Variants in NOS1AP observed in about 807,000 individuals in gnomAD.
NOS1AP encodes nitric oxide synthase 1 adaptor protein, also known as carboxyl-terminal PDZ ligand of neuronal nitric oxide synthase protein.
A neutral mutation model predicts 56.2 loss-of-function variants in NOS1AP; 21 were observed. That is an observed-to-expected ratio of 0.37 (90% CI 0.26 to 0.54). The LOEUF is 0.54. Among genes scored for constraint, NOS1AP ranks in the 20% least tolerant of loss-of-function variants. The pLI is 0.84. For synonymous variants in NOS1AP, 270 were observed against 274.6 expected (o/e 0.98, Z 0.17); for missense variants, 522 against 657.8 (o/e 0.79, Z 2.26).
chr1:162,198,041 G>GT (rs1318680233), intron 2 of NOS1AP, among the ~76,000 whole-genome samples: 1 of 152,248 alleles, frequency 6.6e-6, no homozygotes, highest in African/African-American at 2.4e-5. Context: ...CATGGGCCCG[G>GT]CCTGGCTGTA....
intron 4 of NOS1AP, among the ~76,000 whole-genome samples, chr1:162,327,848 A>G (rs1384083800): frequency 1.3e-5 from 2 of 152,242 alleles, no homozygotes; most frequent in Non-Finnish European, 2.9e-5. Flanking sequence ...GCAAGTTGGA[A>G]TATGTACGGA....
intron 1 of NOS1AP, among the ~76,000 whole-genome samples, chr1:162,099,217 A>G (rs1571008502): frequency 7.2e-6 from 1 of 138,742 alleles, no homozygotes. Context: ...TTTGAGATGG[A>G]GTCTCGCTCT....
intron 2 of NOS1AP, among the ~76,000 whole-genome samples, chr1:162,193,585 A>T (rs1478751157): frequency 6.6e-6 from 1 of 152,058 alleles, no homozygotes; most frequent in African/African-American, 2.4e-5. Context: ...CATTTACTGA[A>T]TGTTTGTCTA....
At chr1:162,311,267 T>G (rs1656017556) in intron 4 of NOS1AP, among the ~76,000 whole-genome samples, 1 of 152,184 alleles carries the variant, frequency 6.6e-6, no homozygotes, top group South Asian at 2.1e-4. Flanking sequence ...CTACCACTTC[T>G]CATTTCTCCT....
intron 2 of NOS1AP, among the ~76,000 whole-genome samples, chr1:162,192,755 G>A (rs924729175): frequency 6.6e-6 from 1 of 152,186 alleles, no homozygotes; most frequent in Non-Finnish European, 1.5e-5. Context: ...TTACCAGCCT[G>A]GGCACCTTTC....
chr1:162,076,828 T>G (rs753873081), intron 1 of NOS1AP, among the ~76,000 whole-genome samples: 2 of 152,244 alleles, frequency 1.3e-5, no homozygotes, highest in Non-Finnish European at 2.9e-5. Context: ...GGACATTTCA[T>G]ATTTATGGAA....
intron 1 of NOS1AP, among the ~76,000 whole-genome samples, chr1:162,127,778 C>T (rs1355893396): frequency 6.6e-6 from 1 of 152,142 alleles, no homozygotes; most frequent in Non-Finnish European, 1.5e-5. Flanking sequence ...ATGGTGCAAA[C>T]CATTCATGAG....
At chr1:162,176,182 A>T (rs1379546362) in intron 2 of NOS1AP, among the ~76,000 whole-genome samples, 2 of 152,124 alleles carry the variant, frequency 1.3e-5, no homozygotes, top group Non-Finnish European at 2.9e-5. Context: ...TTTTTAAAAA[A>T]TTTGCATGCA....
At chr1:162,365,364 T>C in intron 8 of NOS1AP, 40 bp from the exon 9 acceptor site, 1 of 1,613,676 alleles carries the variant, frequency 6.2e-7, no homozygotes. Flanking sequence ...CCCTCTCTTC[T>C]CTCTGTCCTG....
At chr1:162,197,799 C>G (rs1281350566) in intron 2 of NOS1AP, among the ~76,000 whole-genome samples, 2 of 152,338 alleles carry the variant, frequency 1.3e-5, no homozygotes, top group Admixed American at 6.5e-5. Context: ...AGCAGAGATG[C>G]CTGGCTCTAG....
At chr1:162,211,264 A>C (rs1482686237) in intron 2 of NOS1AP, among the ~76,000 whole-genome samples, 2 of 152,170 alleles carry the variant, frequency 1.3e-5, no homozygotes, top group Non-Finnish European at 2.9e-5. Flanking sequence ...AAAGTCCAAG[A>C]CCAAGGTGCC....
chr1:162,203,286 A>G (rs1292688581), intron 2 of NOS1AP, among the ~76,000 whole-genome samples: 1 of 152,106 alleles, frequency 6.6e-6, no homozygotes, highest in Non-Finnish European at 1.5e-5. Flanking sequence ...TCATTCCTCT[A>G]TTCAGGTGAT....
intron 2 of NOS1AP, among the ~76,000 whole-genome samples, chr1:162,246,867 A>G (rs2101687273): frequency 6.6e-6 from 1 of 152,302 alleles, no homozygotes; most frequent in Non-Finnish European, 1.5e-5. Flanking sequence ...GCCTCAAGGA[A>G]GCAGAGAAGT....
At chr1:162,122,428 G>C (rs917400248) in intron 1 of NOS1AP, among the ~76,000 whole-genome samples, 23 of 151,976 alleles carry the variant, frequency 1.5e-4, no homozygotes, top group African/African-American at 5.6e-4. Context: ...GTAGGTCTTT[G>C]GGAGATATAT....
intron 2 of NOS1AP, among the ~76,000 whole-genome samples, chr1:162,221,205 CT>C (rs1652756649): frequency 1.3e-5 from 2 of 152,304 alleles, no homozygotes; most frequent in Admixed American, 6.5e-5. Flanking sequence ...TCCCAAAGTG[CT>C]GGGATTAAAG....
chr1:162,116,595 A>G (rs1024427712), intron 1 of NOS1AP, among the ~76,000 whole-genome samples: 4 of 152,188 alleles, frequency 2.6e-5, no homozygotes, highest in African/African-American at 9.7e-5. Flanking sequence ...TTACCTTGGA[A>G]TCAGCCATAG....
intron 2 of NOS1AP, among the ~76,000 whole-genome samples, chr1:162,192,184 A>G (rs1463545347): frequency 6.6e-6 from 1 of 152,106 alleles, no homozygotes; most frequent in East Asian, 1.9e-4. Flanking sequence ...GGGCCCAGCA[A>G]TCTGTGTTTG....
At chr1:162,110,850 C>T (rs1453241155) in intron 1 of NOS1AP, among the ~76,000 whole-genome samples, 3 of 152,166 alleles carry the variant, frequency 2.0e-5, no homozygotes, top group East Asian at 3.8e-4. Context: ...TTTCCAAAGT[C>T]GCAGCACTAA....
At chr1:162,331,789 C>T (rs1656778310) in intron 4 of NOS1AP, among the ~76,000 whole-genome samples, 1 of 152,204 alleles carries the variant, frequency 6.6e-6, no homozygotes, top group African/African-American at 2.4e-5. Flanking sequence ...GCACCCGCTC[C>T]AACTCCCTGC....
Sources: allele counts gnomAD v4.1 joint callset (sites outside exome capture counted in the v4.1 genomes callset), GRCh38; gene constraint gnomAD v4.1.1; transcripts MANE v1.5; gene names NCBI Gene and HGNC (gene_info 2026-07-23, HGNC 2026-07-21).